Variants in CCDC102B observed in about 807,000 individuals in gnomAD.
CCDC102B encodes the protein coiled-coil domain-containing protein 102B.
Under a neutral mutation model 57.4 loss-of-function variants are expected in CCDC102B, and 75 were observed. The ratio of observed to expected loss-of-function variants is 1.31; its 90% CI spans 1.08 to 1.58. The LOEUF (loss-of-function observed/expected upper bound fraction) is 1.58, where lower values mean the gene tolerates loss of function less well. CCDC102B is among the 40% of genes most tolerant of loss of function. CCDC102B has a pLI of 0.00. For synonymous variants in CCDC102B, 206 were observed against 201.9 expected (o/e 1.02, Z -0.17); for missense variants, 636 against 582.6 (o/e 1.09, Z -0.94).
intron 6 of CCDC102B, among the ~76,000 whole-genome samples, chr18:68,997,130 T>G (rs539973675): frequency 1.8e-4 from 28 of 152,268 alleles, no homozygotes; most frequent in South Asian, 1.0e-3. Flanking sequence ...CCACTGTGAT[T>G]GTAAGTTTCC....
intron 4 of CCDC102B, among the ~76,000 whole-genome samples, chr18:68,869,696 C>A (rs577488468): frequency 1.3e-5 from 2 of 152,294 alleles, no homozygotes; most frequent in South Asian, 2.1e-4. Context: ...ATGATAGTTT[C>A]TTTTGCTGTT....
rs756115745 is a variant in CCDC102B, at chr18:68,897,402, C to A, written c.1237C>A (p.Gln413Lys). 6.2e-7 allele frequency: 1 copy of A among 1,611,206 alleles called. No individual in the cohort carries two copies. Among genetic ancestry groups the A allele is most frequent in the Non-Finnish European group, 8.5e-7 (1 of 1,178,674 alleles). ...TCAAAGTCCTGATTTCAAGATGTCA[C>A]AAATTGATCTGCAAGAAAAAAACCA... ...NSQSPDFKMS[Q>K]IDLQEKNQEL... The change falls in exon 6 of 8, where the codon CAA becomes AAA. Residue 413 changes from glutamine to lysine, a missense_variant. Gln to Lys is a moderately conservative substitution (Grantham distance 53). Coordinates refer to ENST00000360242, the MANE Select transcript of CCDC102B (RefSeq NM_024781.3).
intron 6 of CCDC102B, among the ~76,000 whole-genome samples, chr18:68,975,166 C>G (rs1396092471): frequency 1.3e-5 from 2 of 151,924 alleles, no homozygotes; most frequent in East Asian, 3.9e-4. Context: ...GGCACCAATG[C>G]CAGCTCTGTC....
intron 2 of CCDC102B, among the ~76,000 whole-genome samples, chr18:68,764,585 G>A (rs983686101): frequency 2.0e-5 from 3 of 152,214 alleles, no homozygotes; most frequent in Admixed American, 2.0e-4. Flanking sequence ...GCACCACCAG[G>A]CTAGCAAATT....
chr18:68,846,513 A>C, intron 4 of CCDC102B, 92 bp downstream of exon 4: 1 of 688,634 alleles, frequency 1.5e-6, no homozygotes. Context: ...CACAACAGAT[A>C]AGAGGAAGGG....
chr18:68,766,011 A>G, intron 2 of CCDC102B, among the ~76,000 whole-genome samples: 1 of 152,130 alleles, frequency 6.6e-6, no homozygotes, highest in Non-Finnish European at 1.5e-5. Context: ...AATTTTCCAT[A>G]AAAAATTTTA....
intron 2 of CCDC102B, 100 bp downstream of exon 2, chr18:68,837,469 T>C: frequency 1.7e-6 from 2 of 1,147,092 alleles, no homozygotes; most frequent in Non-Finnish European, 2.5e-6. Context: ...TATACTAGCC[T>C]GCCAGGGCTA....
intron 5 of CCDC102B, among the ~76,000 whole-genome samples, chr18:68,878,910 G>A (rs1171523504): frequency 6.6e-6 from 1 of 152,194 alleles, no homozygotes; most frequent in Admixed American, 6.5e-5. Flanking sequence ...CTCGTGGTGA[G>A]TGTTACAGTT....
At chr18:68,921,201 T>A (rs2041266792) in intron 6 of CCDC102B, among the ~76,000 whole-genome samples, 1 of 152,152 alleles carries the variant, frequency 6.6e-6, no homozygotes, top group Admixed American at 6.5e-5. Flanking sequence ...CCCACCCAAA[T>A]CTCATCCTGA....
intron 6 of CCDC102B, among the ~76,000 whole-genome samples, chr18:69,005,308 A>G (rs1054527159): frequency 6.6e-6 from 1 of 152,074 alleles, no homozygotes; most frequent in Non-Finnish European, 1.5e-5. Context: ...TCATGTTGTT[A>G]TTTCTCTTAA....
intron 4 of CCDC102B, among the ~76,000 whole-genome samples, chr18:68,864,367 T>C (rs1256715172): frequency 6.6e-6 from 1 of 151,958 alleles, no homozygotes; most frequent in African/African-American, 2.4e-5. Flanking sequence ...CATACTGAGA[T>C]TTTTGTGTAC....
intron 7 of CCDC102B, among the ~76,000 whole-genome samples, chr18:69,049,029 T>G (rs947702529): frequency 6.6e-6 from 1 of 151,996 alleles, no homozygotes; most frequent in African/African-American, 2.4e-5. Context: ...TCAAAGGTTT[T>G]AAGATTTTCT....
At chr18:68,967,513 C>A (rs1040366618) in intron 6 of CCDC102B, among the ~76,000 whole-genome samples, 27 of 152,076 alleles carry the variant, frequency 1.8e-4, no homozygotes, top group African/African-American at 6.0e-4. Flanking sequence ...AGTTGAAGGA[C>A]AATTTCATGA....
rs1490171613 is a variant in CCDC102B at position 69,010,125 on chromosome 18, G to T, written c.1264-809G>T. ...TTTTTTTTTTTTTTTTTTTTTTTTA[G>T]TAGAGACGGAGTTTCACCGTGTTAG... is the stretch of plus-strand genomic sequence containing the variant. On this transcript the variant is annotated intron_variant, in intron 6 of 7. Transcript: ENST00000360242. Among the ~76,000 whole-genome samples, 19 of 82,940 alleles carry T rather than the reference G, an allele frequency of 2.3e-4. 1 individual carries two copies. Among genetic ancestry groups the T allele is most frequent in the Admixed American group, 1.9e-3 (12 of 6,390 alleles). The allele number at this position is 82,940 out of a possible 152,430, so 54.4% of individuals were successfully genotyped here. A position where few individuals can be genotyped will look rare whatever the true frequency, so the allele number is the denominator to read the frequency against.
At chr18:69,028,604 T>G (rs1250466439) in intron 7 of CCDC102B, among the ~76,000 whole-genome samples, 2 of 151,988 alleles carry the variant, frequency 1.3e-5, no homozygotes, top group East Asian at 3.9e-4. Context: ...CCTAACCTAT[T>G]GTCTGTTTGC....
chr18:68,963,487 A>T lies in CCDC102B; in HGVS notation c.1264-47447A>T, dbSNP rs574314019. On this transcript the variant is annotated intron_variant, in intron 6 of 7. Coordinates refer to ENST00000360242, the MANE Select transcript of CCDC102B (RefSeq NM_024781.3). ...TATAAGTGATTGCTTTAAATTTAAC[A>T]TATACTTACAGGTGTACTTTTATTA... is the stretch of plus-strand genomic sequence containing the variant. 3.9e-5 allele frequency among the ~76,000 whole-genome samples: 6 copies of T among 152,038 alleles called. No homozygotes were observed. The East Asian group carries it at 1.2e-3, about 29-fold the overall frequency.
At chr18:68,715,244 C>T (rs1037079199) in exon 1 of CCDC102B, 8 of 1,343,852 alleles carry the variant, frequency 6.0e-6, no homozygotes, top group South Asian at 5.0e-5. Flanking sequence ...CGGTGCCCCC[C>T]TCCACGCCCA....
At chr18:69,038,964 T>C (rs2145466364) in intron 7 of CCDC102B, among the ~76,000 whole-genome samples, 1 of 152,126 alleles carries the variant, frequency 6.6e-6, no homozygotes, top group East Asian at 1.9e-4. Flanking sequence ...ACTAATCTTT[T>C]CCTTTCATCA....
chr18:68,892,844 A>C (rs1233134128), intron 5 of CCDC102B, among the ~76,000 whole-genome samples: 1 of 152,222 alleles, frequency 6.6e-6, no homozygotes, highest in Non-Finnish European at 1.5e-5. Flanking sequence ...AATAGGTATA[A>C]CATCAATACA....
Sources: gnomAD v4.1 joint callset for allele counts (sites outside exome capture counted in the v4.1 genomes callset) on GRCh38, gnomAD v4.1.1 for gene constraint, MANE v1.5 for transcripts, NCBI Gene and HGNC (gene_info 2026-07-23, HGNC 2026-07-21) for gene names.